Variants in BMPR1B observed in about 807,000 individuals in gnomAD.
BMPR1B encodes bone morphogenetic protein receptor type 1B, also known as bone morphogenetic protein receptor type-1B.
In BMPR1B, 12 loss-of-function variants were observed where a neutral mutation model predicts 59.1. That is an observed-to-expected ratio of 0.20 (90% CI 0.13 to 0.33). The LOEUF is 0.33. Among genes scored for constraint, BMPR1B ranks in the 10% least tolerant of loss-of-function variants. BMPR1B has a pLI of 1.00. For missense variants in BMPR1B, 550 were observed against 610.9 expected (o/e 0.90, Z 1.05); for synonymous variants, 237 against 207.3 (o/e 1.14, Z -1.23).
At chr4:94,758,927 TC>T (rs1452565096) in intron 1 of BMPR1B, among the ~76,000 whole-genome samples, 3 of 15,084 alleles carry the variant, frequency 2.0e-4, no homozygotes, top group Admixed American at 1.6e-3. Context: ...TCTTTTGGTC[TC>T]TCTCTCTCTC....
At chr4:94,798,353 C>T (rs1723273846) in intron 1 of BMPR1B, among the ~76,000 whole-genome samples, 1 of 152,302 alleles carries the variant, frequency 6.6e-6, no homozygotes, top group Non-Finnish European at 1.5e-5. Flanking sequence ...CTGCTGCTAC[C>T]ACTCCCAGTA....
intron 3 of BMPR1B, among the ~76,000 whole-genome samples, chr4:95,015,548 A>C (rs969474752): frequency 6.6e-6 from 1 of 151,508 alleles, no homozygotes; most frequent in African/African-American, 2.4e-5. Context: ...ACCACACCAG[A>C]CTCATTTTTT....
chr4:94,944,872 C>T (rs890577490), intron 2 of BMPR1B, among the ~76,000 whole-genome samples: 43 of 152,110 alleles, frequency 2.8e-4, no homozygotes, highest in African/African-American at 9.9e-4. Flanking sequence ...CAGCTTTTTT[C>T]CGTGACATCA....
chr4:95,111,007 G>T (rs1430348093), intron 4 of BMPR1B, among the ~76,000 whole-genome samples: 1 of 152,114 alleles, frequency 6.6e-6, no homozygotes, highest in Non-Finnish European at 1.5e-5. Context: ...TAGAAGAAAA[G>T]ATGTTCTTAA....
chr4:94,893,365 G>T (rs903200910), intron 2 of BMPR1B, among the ~76,000 whole-genome samples: 2 of 151,924 alleles, frequency 1.3e-5, no homozygotes, highest in Non-Finnish European at 2.9e-5. Context: ...CTTTCTTAAT[G>T]AGGCTTTACC....
At chr4:94,991,763 G>A (rs116327998) in intron 2 of BMPR1B, among the ~76,000 whole-genome samples, 1,779 of 152,264 alleles carry the variant, frequency 0.012, 39 homozygotes, top group African/African-American at 0.04. Flanking sequence ...CTTTTACTCT[G>A]AGTAAAATGG....
At chr4:94,863,823 C>T (rs1726096497) in intron 1 of BMPR1B, among the ~76,000 whole-genome samples, 1 of 152,188 alleles carries the variant, frequency 6.6e-6, no homozygotes, top group African/African-American at 2.4e-5. Flanking sequence ...TTCAGAGTTG[C>T]TCCTGTGGTG....
intron 2 of BMPR1B, among the ~76,000 whole-genome samples, chr4:94,991,720 G>C (rs970300224): frequency 1.3e-5 from 2 of 152,126 alleles, no homozygotes; most frequent in Non-Finnish European, 2.9e-5. Context: ...ATAAAGTGGG[G>C]CTAGGCTATA....
rs1179814583 is a variant in BMPR1B at position 95,071,646 on chromosome 4, G to GTATATATA, written c.-17-32761_-17-32760insATATATAT. 4.8e-3 allele frequency among the ~76,000 whole-genome samples: 414 copies of GTATATATA among 86,404 alleles called. 4 individuals carry two copies. The highest frequency in any genetic ancestry group is 0.019 in the African/African-American group (388 of 20,936). The allele number at this position is 86,404 out of a possible 152,430, so 56.7% of individuals were successfully genotyped here. A position where few individuals can be genotyped will look rare whatever the true frequency, so the allele number is the denominator to read the frequency against. On this transcript the variant is annotated intron_variant, in intron 3 of 12. Transcript: ENST00000515059. ...TATATGTGTGTTTGTGTGTGTGTGT[G>GTATATATA]TGTGTGTATATATATATATATATAT...
At chr4:95,034,379 T>C (rs1252130518) in intron 3 of BMPR1B, among the ~76,000 whole-genome samples, 2 of 152,014 alleles carry the variant, frequency 1.3e-5, no homozygotes, top group Non-Finnish European at 2.9e-5. Context: ...GTGCACCTAT[T>C]ACCTGAGCAG....
intron 10 of BMPR1B, among the ~76,000 whole-genome samples, chr4:95,144,924 T>C (rs761825182): frequency 4.6e-5 from 7 of 152,172 alleles, no homozygotes; most frequent in Non-Finnish European, 8.8e-5. Context: ...GTTCTTCCCG[T>C]CCTTATGCCT....
intron 1 of BMPR1B, among the ~76,000 whole-genome samples, chr4:94,777,484 A>T: frequency 6.6e-6 from 1 of 152,264 alleles, no homozygotes; most frequent in East Asian, 1.9e-4. Context: ...TTTTTCTGTT[A>T]TTATGGTTCT....
At chr4:94,905,865 C>G (rs892819248) in intron 2 of BMPR1B, among the ~76,000 whole-genome samples, 2 of 150,640 alleles carry the variant, frequency 1.3e-5, no homozygotes, top group Admixed American at 6.6e-5. Context: ...ACTAAGAGAA[C>G]AGTGATGTAT....
chr4:95,071,514 T>A lies in BMPR1B; in HGVS notation c.-17-32894T>A, dbSNP rs1256746629. Among the ~76,000 whole-genome samples the A allele has an allele frequency of 8.8e-4, 133 of 151,878 alleles. 1 individual carries two copies. The highest frequency in any genetic ancestry group is 2.9e-5 in the Non-Finnish European group (2 of 67,978). ...GATACTTTGCAGTACACTAAGAAGA[T>A]GTTAATGGTTTGCCAGTCTGAGCTT... On this transcript the variant is annotated intron_variant, in intron 3 of 12. Coordinates refer to ENST00000515059, the MANE Select transcript of BMPR1B (RefSeq NM_001203.3).
At chr4:95,066,424 G>C (rs184106998) in intron 3 of BMPR1B, among the ~76,000 whole-genome samples, 1 of 152,212 alleles carries the variant, frequency 6.6e-6, no homozygotes, top group Admixed American at 6.5e-5. Context: ...GTTTGTTGTG[G>C]TATTAATAAC....
chr4:94,828,276 A>G (rs1046610217), intron 1 of BMPR1B, among the ~76,000 whole-genome samples: 2 of 152,210 alleles, frequency 1.3e-5, no homozygotes, highest in Non-Finnish European at 2.9e-5. Context: ...GAGATACATG[A>G]TTGAGTGAAC....
intron 3 of BMPR1B, among the ~76,000 whole-genome samples, chr4:94,999,782 T>C (rs1227433469): frequency 6.6e-6 from 1 of 152,082 alleles, no homozygotes; most frequent in African/African-American, 2.4e-5. Flanking sequence ...ACCTTCAAAT[T>C]TCATTTACTG....
chr4:94,933,349 A>C (rs566679105), intron 2 of BMPR1B, among the ~76,000 whole-genome samples: 41 of 152,054 alleles, frequency 2.7e-4, no homozygotes, highest in Non-Finnish European at 4.9e-4. Context: ...ACTATTATAC[A>C]TAATATTAAA....
intron 2 of BMPR1B, among the ~76,000 whole-genome samples, chr4:94,917,779 A>G (rs1483687890): frequency 1.3e-5 from 2 of 152,164 alleles, no homozygotes; most frequent in African/African-American, 4.8e-5. Context: ...TGAGGAGGAC[A>G]TGAAATTTGG....
Sources: allele counts gnomAD v4.1 joint callset (sites outside exome capture counted in the v4.1 genomes callset), GRCh38; gene constraint gnomAD v4.1.1; transcripts MANE v1.5; gene names NCBI Gene and HGNC (gene_info 2026-07-23, HGNC 2026-07-21).